Variants in RNF38 observed in about 807,000 individuals in gnomAD.
The protein encoded by RNF38 is ring finger protein 38.
Under a neutral mutation model 67.2 loss-of-function variants are expected in RNF38, and 15 were observed. The ratio of observed to expected loss-of-function variants is 0.22; its 90% confidence interval spans 0.15 to 0.34. The LOEUF (loss-of-function observed/expected upper bound fraction) is 0.34, where lower values mean the gene tolerates loss of function less well. Among genes scored for constraint, RNF38 ranks in the 10% least tolerant of loss-of-function variants. The pLI, the probability that RNF38 is intolerant of heterozygous loss-of-function variation, is 1.00. For missense variants in RNF38, 524 were observed against 639.9 expected, an observed-to-expected ratio of 0.82 and a Z score of 1.95; for synonymous variants, 220 against 218.8, an observed-to-expected ratio of 1.01 and a Z score of -0.05.
At chr9:36,461,931 C>T (rs1587182168) in intron 1 of RNF38, among the ~76,000 whole-genome samples, 1 of 152,168 alleles carries the variant, frequency 6.6e-6, no homozygotes, top group Non-Finnish European at 1.5e-5. Flanking sequence ...CAAATGCTAT[C>T]ATCCAGAAAA....
At chr9:36,372,410 T>C (rs1835456192) in intron 3 of RNF38, 1 of 601,434 alleles carries the variant, frequency 1.7e-6, no homozygotes, top group Non-Finnish European at 3.0e-6. Flanking sequence ...CCCTGTTTAT[T>C]CACAGTTCTT....
intron 5 of RNF38, 106 bp downstream of exon 5, chr9:36,357,669 T>A (rs1834229126): frequency 1.3e-6 from 1 of 748,526 alleles, no homozygotes; most frequent in Non-Finnish European, 2.1e-6. Flanking sequence ...GCTTATATAA[T>A]GCAGTTAGCC....
intron 2 of RNF38, among the ~76,000 whole-genome samples, chr9:36,383,059 G>A (rs1056417789): frequency 6.6e-6 from 1 of 152,120 alleles, no homozygotes; most frequent in Non-Finnish European, 1.5e-5. Flanking sequence ...GCAGAAGATG[G>A]ATATAAGCTG....
chr9:36,467,373 T>C (rs1446951644), intron 1 of RNF38, among the ~76,000 whole-genome samples: 4 of 151,202 alleles, frequency 2.6e-5, no homozygotes, highest in South Asian at 2.1e-4. Flanking sequence ...ATTTTCAGAG[T>C]ATATATTCAA....
At chr9:36,421,008 C>T (rs1838610081) in intron 2 of RNF38, among the ~76,000 whole-genome samples, 1 of 152,216 alleles carries the variant, frequency 6.6e-6, no homozygotes, top group African/African-American at 2.4e-5. Context: ...TTGGACACCA[C>T]CTCCAAGGCT....
chr9:36,427,140 C>T (rs1838792811), intron 1 of RNF38, among the ~76,000 whole-genome samples: 1 of 152,172 alleles, frequency 6.6e-6, no homozygotes, highest in Non-Finnish European at 1.5e-5. Context: ...TAATAGGCTC[C>T]CTAATTTATC....
At position 36,406,391 on chromosome 9, in the gene RNF38, T is replaced by C. The variant is rs149715184; in HGVS notation, n.313-15775A>G. On this transcript the variant is annotated intron_variant and non_coding_transcript_variant, in intron 2 of 3. Transcript: ENST00000488058. ...GGCAGTTCCTCATTGGTTAACACTGTCAGTACTGTTCTGCCATCACATCCA... is the reference window on the plus strand; with the variant it reads ...GGCAGTTCCTCATTGGTTAACACTGCCAGTACTGTTCTGCCATCACATCCA... Among the ~76,000 whole-genome samples the C allele has an allele frequency of 9.7e-4, 148 of 152,342 alleles. 1 individual carries two copies. The highest frequency in any genetic ancestry group is 1.6e-3 in the Non-Finnish European group (111 of 68,026).
Position 36,346,995 on chromosome 9 carries a change from C to G in RNF38, c.1264-2042G>C, listed in dbSNP as rs549052777. On this transcript the variant is annotated intron_variant, in intron 9 of 11. Transcript: ENST00000259605. ...ATTAGACAGGCATGGTGGCGTGCAC[C>G]TGTAATCTCAGCTACTTGGAAGACT... 2.1e-3 allele frequency among the ~76,000 whole-genome samples: 314 copies of G among 151,698 alleles called. 2 individuals carry two copies. The highest frequency in any genetic ancestry group is 7.1e-3 in the African/African-American group (294 of 41,336).
chr9:36,338,376 AC>A lies in RNF38; in HGVS notation c.*1375del, dbSNP rs1366360382. On this transcript the variant is annotated 3_prime_UTR_variant, in exon 12 of 12. Coordinates refer to ENST00000259605, the MANE Select transcript of RNF38 (RefSeq NM_022781.5). ...GTATTCTGGACACCTGTTGTATTAA[AC>A]TTTTCTCATTCAAACAAAAATTAAA... 6.6e-6 allele frequency: 1 copy of A among 152,158 alleles called. No homozygotes were observed. The highest frequency in any genetic ancestry group is 2.4e-5 in the African/African-American group (1 of 41,432). The allele number at this position is 152,158 out of a possible 1,614,324, so 9.4% of individuals were successfully genotyped here.
chr9:36,477,076 C>A (rs758704392), intron 1 of RNF38, among the ~76,000 whole-genome samples: 9 of 152,090 alleles, frequency 5.9e-5, no homozygotes, highest in Non-Finnish European at 1.3e-4. Context: ...GTAATCCCAG[C>A]ACTTTGGGGG....
At chr9:36,421,472 T>C (rs1032378001) in intron 2 of RNF38, among the ~76,000 whole-genome samples, 4 of 151,986 alleles carry the variant, frequency 2.6e-5, no homozygotes, top group Non-Finnish European at 4.4e-5. Flanking sequence ...GAGACCAGCC[T>C]GACCAACATG....
At chr9:36,485,062 G>T in intron 1 of RNF38, among the ~76,000 whole-genome samples, 1 of 152,298 alleles carries the variant, frequency 6.6e-6, no homozygotes, top group South Asian at 2.1e-4. Context: ...CCAGCTACTC[G>T]GGAGGCTGAG....
At chr9:36,371,433 G>GGACTAAAA (rs1459477864) in intron 3 of RNF38, among the ~76,000 whole-genome samples, 1 of 150,512 alleles carries the variant, frequency 6.6e-6, no homozygotes, top group Non-Finnish European at 1.5e-5. Flanking sequence ...CTCCACCTTA[G>GGACTAAAA]GACTAAAAGC....
At chr9:36,475,699 T>C (rs1371369587) in intron 1 of RNF38, among the ~76,000 whole-genome samples, 2 of 148,234 alleles carry the variant, frequency 1.3e-5, no homozygotes, top group Non-Finnish European at 3.0e-5. Flanking sequence ...AGCAGTAAAA[T>C]AGAGACAGGG....
At chr9:36,339,936 A>T in intron 11 of RNF38, 122 bp from the exon 12 acceptor site, 1 of 920,662 alleles carries the variant, frequency 1.1e-6, no homozygotes. Context: ...AAGAGGTACA[A>T]AGCAATTTTT....
At chr9:36,345,713 A>G (rs566253228) in intron 9 of RNF38, among the ~76,000 whole-genome samples, 39 of 152,226 alleles carry the variant, frequency 2.6e-4, no homozygotes, top group Non-Finnish European at 5.0e-4. Flanking sequence ...TTTGTTTTCA[A>G]TTCAAAACTT....
rs530474112 is a variant in RNF38, at chr9:36,434,568, T to C, written n.242-9885A>G. Among the ~76,000 whole-genome samples the C allele has an allele frequency of 3.9e-5, 6 of 152,232 alleles. No individual in the cohort carries two copies. The East Asian group carries it at 1.2e-3, about 30-fold the overall frequency. ...GCATGCCTGGCTAATTTTGTATTTT[T>C]AGTAAAGATGGGGTTTTTCCATGTT... is the stretch of plus-strand genomic sequence containing the variant. On this transcript the variant is annotated intron_variant and non_coding_transcript_variant, in intron 1 of 3. Coordinates refer to the RNF38 transcript ENST00000488058.
intron 1 of RNF38, among the ~76,000 whole-genome samples, chr9:36,456,357 T>A (rs1281582549): frequency 6.6e-6 from 1 of 152,184 alleles, no homozygotes; most frequent in African/African-American, 2.4e-5. Context: ...GTAGCTGGTC[T>A]CAAACAATTT....
chr9:36,423,430 A>C (rs1000955343), intron 2 of RNF38, among the ~76,000 whole-genome samples: 8 of 152,230 alleles, frequency 5.3e-5, no homozygotes, highest in African/African-American at 1.4e-4. Context: ...GATCTTGATC[A>C]AAACAGCAGA....
Sources: allele counts gnomAD v4.1 joint callset (sites outside exome capture counted in the v4.1 genomes callset), GRCh38; gene constraint gnomAD v4.1.1; transcripts MANE v1.5; gene names NCBI Gene and HGNC (gene_info 2026-07-23, HGNC 2026-07-21).